EGF: variants seen among roughly 807,000 people sequenced by gnomAD.
EGF encodes the protein pro-epidermal growth factor.
A neutral mutation model predicts 143.8 loss-of-function variants in EGF; 95 were observed. The ratio of observed to expected loss-of-function variants is 0.66; its 90% CI spans 0.56 to 0.78. EGF has a LOEUF of 0.78. EGF is among the 30% of genes least tolerant of loss of function. EGF has a pLI of 0.00. For missense variants in EGF, 1,320 were observed against 1,470.9 expected, an observed-to-expected ratio of 0.90 and a Z score of 1.68; for synonymous variants, 510 against 510.5, an observed-to-expected ratio of 1.00 and a Z score of 0.01.
chr4:109,939,027 G>T (rs1304605191), intron 1 of EGF, among the ~76,000 whole-genome samples: 1 of 152,196 alleles, frequency 6.6e-6, no homozygotes, highest in Non-Finnish European at 1.5e-5. Flanking sequence ...CAAACGCTGT[G>T]CTGGGAGAAC....
At chr4:109,992,863 T>C (rs1411427546) in intron 18 of EGF, among the ~76,000 whole-genome samples, 1 of 149,270 alleles carries the variant, frequency 6.7e-6, no homozygotes, top group African/African-American at 2.5e-5. Flanking sequence ...AACCAAACAC[T>C]GCATGTTCTT....
At chr4:109,939,462 A>G (rs773633028) in intron 1 of EGF, among the ~76,000 whole-genome samples, 1 of 152,236 alleles carries the variant, frequency 6.6e-6, no homozygotes, top group Non-Finnish European at 1.5e-5. Flanking sequence ...TCCCTTGGCT[A>G]GGAAAGGGAA....
chr4:109,988,674 C>T lies in EGF; in HGVS notation c.2699C>T (p.Ser900Leu). ...GAAGGTGGTTATGTCTGCCGGTGCT[C>T]AGAAGGCTACCAAGGAGATGGGATT... ...NTEGGYVCRC[S>L]EGYQGDGIHC... Residue 900 changes from serine (S) to leucine (L), a missense_variant, in exon 18 of 24, where the codon TCA becomes TTA. Ser to Leu is a moderately radical substitution (Grantham distance 145, BLOSUM62 -2). This residue lies in a region of EGF where 1,186 missense variants were observed against 1,313.7 expected (regional missense o/e 0.90). Coordinates refer to ENST00000265171, the MANE Select transcript of EGF (RefSeq NM_001963.6). The T allele has an allele frequency of 1.2e-6, 2 of 1,613,994 alleles. No individual in the cohort carries two copies. The highest frequency in any genetic ancestry group is 1.7e-6 in the Non-Finnish European group (2 of 1,179,916).
At chr4:110,004,145 G>A (rs1307944636) in intron 21 of EGF, 2 of 359,998 alleles carry the variant, frequency 5.6e-6, no homozygotes, top group East Asian at 7.1e-5. Context: ...CTGGGGTATA[G>A]TTAGTACTCA....
Position 109,919,287 on chromosome 4 carries a change from GTCTCTCTCTCTCTCTCTC to G in EGF, c.127+5862_127+5879del, listed in dbSNP as rs58110007. Among the ~76,000 whole-genome samples, 1,574 of 75,896 alleles carry G rather than the reference GTCTCTCTCTCTCTCTCTC, an allele frequency of 0.021. 128 individuals are homozygous for G. In the East Asian group the frequency reaches 0.26, roughly 13 times the overall value. The allele number at this position is 75,896 out of a possible 152,430, so 49.8% of individuals were successfully genotyped here. On this transcript the variant is annotated intron_variant, in intron 1 of 23. Transcript: ENST00000265171. Reference sequence around the variant, plus strand: ...AGGTATTAGGAATGCATGCTTCTCTGTCTCTCTCTCTCTCTCTCTCTCTCTCTCTCTCTCTCTCTCTCT... The same window carrying G: ...AGGTATTAGGAATGCATGCTTCTCTGTCTCTCTCTCTCTCTCTCTCTCTCT...
chr4:109,919,530 G>A (rs964505583), intron 1 of EGF, among the ~76,000 whole-genome samples: 2 of 152,184 alleles, frequency 1.3e-5, no homozygotes, highest in African/African-American at 2.4e-5. Context: ...GTCATGGCCA[G>A]TGATTGTGAG....
chr4:109,961,451 T>C (rs1357855755), intron 7 of EGF, among the ~76,000 whole-genome samples: 1 of 152,224 alleles, frequency 6.6e-6, no homozygotes, highest in African/African-American at 2.4e-5. Flanking sequence ...CTATAATCTA[T>C]GTATTATAGG....
chr4:109,927,784 G>A (rs894562154), intron 1 of EGF, among the ~76,000 whole-genome samples: 3 of 147,668 alleles, frequency 2.0e-5, no homozygotes, highest in Admixed American at 1.4e-4. Context: ...GACAGATCAG[G>A]ATAGTGATTT....
At chr4:109,960,133 G>A (rs1332365964) in intron 6 of EGF, among the ~76,000 whole-genome samples, 1 of 152,170 alleles carries the variant, frequency 6.6e-6, no homozygotes, top group Admixed American at 6.5e-5. Context: ...GAGCTGGAAG[G>A]CTGGGGCTTC....
chr4:109,974,413 C>T (rs1297165838), intron 11 of EGF, among the ~76,000 whole-genome samples: 1 of 152,190 alleles, frequency 6.6e-6, no homozygotes, highest in South Asian at 2.1e-4. Context: ...CCTCACCCAG[C>T]CACTGACACG....
chr4:109,959,110 G>A (rs1560690858), intron 5 of EGF: 20 of 668,376 alleles, frequency 3.0e-5, no homozygotes, highest in Non-Finnish European at 9.8e-6. Context: ...AATCCTGAGA[G>A]GTTTTGGAGA....
At chr4:110,009,180 T>G (rs1753695825) in intron 23 of EGF, among the ~76,000 whole-genome samples, 1 of 152,204 alleles carries the variant, frequency 6.6e-6, no homozygotes, top group African/African-American at 2.4e-5. Flanking sequence ...AGTACAACTT[T>G]ATTACCTAAT....
intron 21 of EGF, among the ~76,000 whole-genome samples, chr4:110,000,498 G>A (rs2126176375): frequency 6.6e-6 from 1 of 152,138 alleles, no homozygotes; most frequent in Non-Finnish European, 1.5e-5. Flanking sequence ...GCCTTCCATT[G>A]AGTTGATTTT....
At chr4:109,921,890 T>C (rs987461044) in intron 1 of EGF, among the ~76,000 whole-genome samples, 1 of 151,636 alleles carries the variant, frequency 6.6e-6, no homozygotes, top group Non-Finnish European at 1.5e-5. Flanking sequence ...AAAAACAGAT[T>C]AGTCAAACTG....
chr4:109,939,762 A>T (rs532516349), intron 1 of EGF, among the ~76,000 whole-genome samples: 1 of 152,358 alleles, frequency 6.6e-6, no homozygotes, highest in African/African-American at 2.4e-5. Flanking sequence ...CCTGAGTAAA[A>T]GGATGTTAAC....
intron 5 of EGF, among the ~76,000 whole-genome samples, chr4:109,954,405 T>C (rs1264966357): frequency 6.6e-6 from 1 of 152,190 alleles, no homozygotes; most frequent in Non-Finnish European, 1.5e-5. Flanking sequence ...ACTTTTTAAT[T>C]CCTAAAAGGG....
chr4:110,009,864 G>A (rs1353591314), intron 23 of EGF, among the ~76,000 whole-genome samples: 2 of 152,186 alleles, frequency 1.3e-5, no homozygotes, highest in Non-Finnish European at 2.9e-5. Flanking sequence ...GCTGACATCA[G>A]TTGACACAGG....
Position 109,913,331 on chromosome 4 carries a change from A to G in EGF, c.-5A>G, listed in dbSNP as rs756769263. On this transcript the variant is annotated 5_prime_UTR_variant, in exon 1 of 24. Coordinates refer to ENST00000265171, the MANE Select transcript of EGF (RefSeq NM_001963.6). ...TTCTTTTGAAAGTTCAAACTCATCA[A>G]GATTATGCTGCTCACTCTTATCATT... 11 of 1,613,748 alleles carry G rather than the reference A, an allele frequency of 6.8e-6. No individual in the cohort carries two copies. In the East Asian group the frequency reaches 1.1e-4, roughly 16 times the overall value.
At chr4:109,932,724 T>C in intron 1 of EGF, among the ~76,000 whole-genome samples, 1 of 152,104 alleles carries the variant, frequency 6.6e-6, no homozygotes, top group East Asian at 1.9e-4. Flanking sequence ...ATCTCACCAA[T>C]ATGTCAATGC....
Sources: gnomAD v4.1 joint callset for allele counts (sites outside exome capture counted in the v4.1 genomes callset) on GRCh38, gnomAD v4.1.1 for gene constraint, gnomAD v4.1.1 regional missense constraint, MANE v1.5 for transcripts, NCBI Gene and HGNC (gene_info 2026-07-23, HGNC 2026-07-21) for gene names.